The following MBNL2 variants were observed in gnomAD, a reference collection of about 807,000 sequenced individuals.
MBNL2 encodes muscleblind like splicing regulator 2.
Under a neutral mutation model 41.9 loss-of-function variants are expected in MBNL2, and 17 were observed. The ratio of observed to expected loss-of-function variants is 0.41; its 90% CI spans 0.28 to 0.61. The LOEUF (loss-of-function observed/expected upper bound fraction) is 0.61, where lower values mean the gene tolerates loss of function less well. MBNL2 is among the 20% of genes least tolerant of loss of function. The probability of loss-of-function intolerance (pLI) is 0.35; values close to 1 mark genes in which losing one functional copy is unlikely to be tolerated. For synonymous variants in MBNL2, 195 were observed against 182.9 expected (o/e 1.07, Z -0.53); for missense variants, 336 against 505.6 (o/e 0.66, Z 3.22).
intron 2 of MBNL2, among the ~76,000 whole-genome samples, chr13:97,290,698 A>G (rs537038571): frequency 0.02 from 3,089 of 151,628 alleles, 78 homozygotes; most frequent in African/African-American, 0.053. Flanking sequence ...AAAAAAAAAA[A>G]AAAGAAAGAA....
At chr13:97,188,133 G>C in the MBNL2 span, among the ~76,000 whole-genome samples, 1 of 152,116 alleles carries the variant, frequency 6.6e-6, no homozygotes, top group Non-Finnish European at 1.5e-5. Context: ...AGTTACAAAA[G>C]GTGAGAGGAA....
At chr13:97,307,025 T>C (rs1166858169) in intron 2 of MBNL2, among the ~76,000 whole-genome samples, 1 of 152,192 alleles carries the variant, frequency 6.6e-6, no homozygotes, top group East Asian at 1.9e-4. Flanking sequence ...CAATATAGCA[T>C]CTTATTCCTT....
the MBNL2 span, among the ~76,000 whole-genome samples, chr13:97,213,872 G>T: frequency 6.6e-6 from 1 of 151,506 alleles, no homozygotes; most frequent in Non-Finnish European, 1.5e-5. Flanking sequence ...AATTTTTAAA[G>T]TCAAGATTGT....
chr13:97,358,466 A>T (rs926121997), intron 7 of MBNL2, among the ~76,000 whole-genome samples: 3 of 152,206 alleles, frequency 2.0e-5, no homozygotes, highest in Non-Finnish European at 4.4e-5. Flanking sequence ...TGAAAAAAGA[A>T]AAAAGCAGAT....
intron 5 of MBNL2, among the ~76,000 whole-genome samples, chr13:97,347,741 C>A (rs1340204504): frequency 6.6e-6 from 1 of 152,146 alleles, no homozygotes; most frequent in East Asian, 1.9e-4. Context: ...AGTACATCAT[C>A]ATTATCATCG....
At chr13:97,199,687 C>T in the MBNL2 span, among the ~76,000 whole-genome samples, 7 of 152,340 alleles carry the variant, frequency 4.6e-5, no homozygotes, top group African/African-American at 7.2e-5. Context: ...ATGCTGACAG[C>T]GCAGTGGCTA....
At chr13:97,331,572 T>C (rs925046024) in intron 2 of MBNL2, among the ~76,000 whole-genome samples, 1 of 152,238 alleles carries the variant, frequency 6.6e-6, no homozygotes, top group African/African-American at 2.4e-5. Flanking sequence ...GGCAGCGTGA[T>C]GTAATTGGGT....
At chr13:97,302,104 C>T (rs1364685801) in intron 2 of MBNL2, among the ~76,000 whole-genome samples, 1 of 152,178 alleles carries the variant, frequency 6.6e-6, no homozygotes, top group Admixed American at 6.6e-5. Flanking sequence ...CAACTATCTC[C>T]CCTTGCTTCT....
chr13:97,315,974 C>G (rs1020299238), intron 2 of MBNL2, among the ~76,000 whole-genome samples: 6 of 152,288 alleles, frequency 3.9e-5, no homozygotes, highest in Admixed American at 2.6e-4. Context: ...AGGGTTTGTT[C>G]TCAATTTCTT....
At chr13:97,234,467 C>G (rs544132094) in intron 1 of MBNL2, among the ~76,000 whole-genome samples, 3 of 152,130 alleles carry the variant, frequency 2.0e-5, no homozygotes, top group Admixed American at 6.5e-5. Context: ...TTTAACTTCT[C>G]TCAGCTTGGT....
At chr13:97,197,725 A>G in the MBNL2 span, among the ~76,000 whole-genome samples, 1 of 152,154 alleles carries the variant, frequency 6.6e-6, no homozygotes, top group Admixed American at 6.5e-5. Context: ...ATTTTCAGTA[A>G]TGTAACGTTT....
intron 8 of MBNL2, among the ~76,000 whole-genome samples, chr13:97,386,302 G>T (rs1350390065): frequency 6.6e-6 from 1 of 152,202 alleles, no homozygotes; most frequent in Admixed American, 6.5e-5. Context: ...AGCTGATGAG[G>T]ACACAAACCA....
At chr13:97,189,254 T>G in the MBNL2 span, among the ~76,000 whole-genome samples, 2 of 152,218 alleles carry the variant, frequency 1.3e-5, no homozygotes, top group African/African-American at 4.8e-5. Context: ...TAAGGTCGAT[T>G]TAATTACCTG....
chr13:97,246,582 C>T (rs1004531503), intron 1 of MBNL2, among the ~76,000 whole-genome samples: 1 of 152,174 alleles, frequency 6.6e-6, no homozygotes, highest in East Asian at 1.9e-4. Context: ...TAGTTAACTA[C>T]TGCGAATAAA....
upstream of MBNL2, among the ~76,000 whole-genome samples, chr13:97,218,441 A>AAAAACAAAC (rs1555302260): frequency 8.3e-4 from 20 of 24,118 alleles, 1 homozygote; most frequent in African/African-American, 1.7e-3. Flanking sequence ...AAAACAAAAC[A>AAAAACAAAC]AAAAAAAAAA....
At chr13:97,386,999 G>A (rs541119889) in intron 8 of MBNL2, among the ~76,000 whole-genome samples, 2 of 151,782 alleles carry the variant, frequency 1.3e-5, no homozygotes, top group East Asian at 1.9e-4. Flanking sequence ...GATACTGTGG[G>A]CATCAGCTAT....
the MBNL2 span, among the ~76,000 whole-genome samples, chr13:97,199,574 C>T: frequency 6.6e-6 from 1 of 152,198 alleles, no homozygotes; most frequent in Non-Finnish European, 1.5e-5. Context: ...CTATACAAGA[C>T]ATTTAAAAAA....
intron 8 of MBNL2, among the ~76,000 whole-genome samples, chr13:97,379,528 C>T (rs921907879): frequency 2.0e-5 from 3 of 152,094 alleles, no homozygotes; most frequent in Non-Finnish European, 2.9e-5. Context: ...CCTGCAGGAG[C>T]GACTGTAAAG....
intron 2 of MBNL2, among the ~76,000 whole-genome samples, chr13:97,282,034 T>C (rs1165701581): frequency 7.0e-6 from 1 of 142,934 alleles, no homozygotes; most frequent in Non-Finnish European, 1.6e-5. Flanking sequence ...TGTAACAAGA[T>C]TAGCATGTTG....
Sources: allele counts gnomAD v4.1 joint callset (sites outside exome capture counted in the v4.1 genomes callset), GRCh38; gene constraint gnomAD v4.1.1; transcripts MANE v1.5; gene names NCBI Gene and HGNC (gene_info 2026-07-23, HGNC 2026-07-21).